Variants in RELA observed in about 807,000 individuals in gnomAD.
RELA encodes RELA proto-oncogene, NF-kB subunit.
In RELA, 14 loss-of-function variants were observed where a neutral mutation model predicts 56.7. The observed-to-expected ratio is 0.25, with a 90% CI of 0.16 to 0.39. The LOEUF (loss-of-function observed/expected upper bound fraction) is 0.39. RELA is among the 10% of genes least tolerant of loss of function. RELA has a pLI of 1.00. For missense variants in RELA, 559 were observed against 736.4 expected, an observed-to-expected ratio of 0.76 and a Z score of 2.79; for synonymous variants, 315 against 289.7, an observed-to-expected ratio of 1.09 and a Z score of -0.89.
intron 5 of RELA, 59 bp from the exon 6 acceptor site, chr11:65,659,856 T>C (rs1467008302): frequency 3.4e-5 from 53 of 1,557,414 alleles, no homozygotes; most frequent in Non-Finnish European, 4.3e-5. Context: ...GTGCTATCAG[T>C]GGGGGCAGGG....
Position 65,658,280 on chromosome 11 carries a change from T to A in RELA, c.877+7A>T. Reference sequence around the variant, plus strand: ...GCTGCCCTGATGCTGCCACCCCAGCTGTGTACCTGTATCTGGCAGGTACTG... The same window carrying A: ...GCTGCCCTGATGCTGCCACCCCAGCAGTGTACCTGTATCTGGCAGGTACTG... On this transcript the variant is annotated splice_region_variant and intron_variant, in intron 8 of 10. Transcript: ENST00000406246. The surrounding 1 kb of genome is among the most constrained non-coding windows in gnomAD (Gnocchi z 4.5). 6.3e-7 allele frequency: 1 copy of A among 1,577,238 alleles called. No homozygotes were observed. The highest frequency in any genetic ancestry group is 8.6e-7 in the Non-Finnish European group (1 of 1,160,526).
rs1217699311 is a variant in RELA at position 65,654,338 on chromosome 11, C to G, written c.*40G>C. On this transcript the variant is annotated 3_prime_UTR_variant, in exon 11 of 11. Coordinates refer to ENST00000406246, the MANE Select transcript of RELA (RefSeq NM_021975.4). ...AAGTGCTTTTGGAGGGCTTCAATCC[C>G]CTGCAACCCAGTGCTCTGGGGAGGG... 8 of 1,613,536 alleles carry G rather than the reference C, an allele frequency of 5.0e-6. No homozygotes were observed. In the South Asian group the frequency reaches 8.8e-5, roughly 18 times the overall value.
chr11:65,655,834 C>T lies in RELA; in HGVS notation c.958+21G>A, dbSNP rs12721573. Reference sequence around the variant, plus strand: ...CCCTGCCCGCTGCCTTCCTCTCTGGCTTTCCCAGTCCCCATCTCACCGCTG... The same window carrying T: ...CCCTGCCCGCTGCCTTCCTCTCTGGTTTTCCCAGTCCCCATCTCACCGCTG... On this transcript the variant is annotated intron_variant, in intron 9 of 10. Transcript: ENST00000406246. The T allele has an allele frequency of 2.0e-3, 3,192 of 1,613,930 alleles. 45 individuals are homozygous for T. In the African/African-American group the frequency reaches 0.035, roughly 17 times the overall value.
At chr11:65,659,349 C>T (rs577433059) in intron 6 of RELA, among the ~76,000 whole-genome samples, 2 of 152,302 alleles carry the variant, frequency 1.3e-5, no homozygotes, top group South Asian at 2.1e-4. Flanking sequence ...CTATCTTGTT[C>T]CTGGGAGTTC....
At position 65,662,877 on chromosome 11, in the gene RELA, G is replaced by T; in HGVS notation, c.-45C>A. On this transcript the variant is annotated 5_prime_UTR_variant, in exon 1 of 11. Transcript: ENST00000406246. ...GGGCCGGGGTCGCAGCTGGGCCCGC[G>T]GCGTGCACTACAGACGAGCCATTCG... 1.7e-6 allele frequency: 2 copies of T among 1,185,028 alleles called. No individual in the cohort carries two copies. Among genetic ancestry groups the T allele is most frequent in the South Asian group, 4.2e-5 (1 of 23,922 alleles). The allele number at this position is 1,185,028 out of a possible 1,614,324, so 73.4% of individuals were successfully genotyped here.
At chr11:65,657,308 ATGT>A (rs1856456187) in intron 8 of RELA, among the ~76,000 whole-genome samples, 2 of 152,134 alleles carry the variant, frequency 1.3e-5, no homozygotes, top group African/African-American at 4.8e-5. Context: ...AGTGGTGGAG[ATGT>A]GATCTTGCTC....
chr11:65,656,041 C>A, intron 8 of RELA, 106 bp from the exon 9 acceptor site: 1 of 892,656 alleles, frequency 1.1e-6, no homozygotes, highest in Non-Finnish European at 1.8e-6. Flanking sequence ...TTCCCAAGAC[C>A]CATTCTCCCA....
chr11:65,657,633 G>A (rs1190512721), intron 8 of RELA, among the ~76,000 whole-genome samples: 3 of 152,202 alleles, frequency 2.0e-5, no homozygotes, highest in African/African-American at 7.2e-5. Context: ...ACACACTTCT[G>A]TGTCTTTCTC....
At position 65,654,843 on chromosome 11, in the gene RELA, T is replaced by TGGAGCA. The variant is rs1856378399; in HGVS notation, c.1185_1190dup (p.Pro397_Ala398dup). The TGGAGCA allele has an allele frequency of 3.2e-6, 5 of 1,554,650 alleles. No individual in the cohort carries two copies. The East Asian group carries it at 9.4e-5, about 29-fold the overall frequency. On this transcript the variant is annotated inframe_insertion, in exon 11 of 11. Coordinates refer to ENST00000406246, the MANE Select transcript of RELA (RefSeq NM_021975.4). ...CCTGGGCCAGAGCTGATACCATGGC[T>TGGAGCA]GGAGCAGGGGCAGGGGCTGGAGCCT...
At position 65,654,415 on chromosome 11, in the gene RELA, A is replaced by G. The variant is rs754554427; in HGVS notation, c.1619T>C (p.Met540Thr). ...GDEDFSSIAD[M>T]DFSALLSQIS... Reference sequence around the variant, plus strand: ...CTGACTCAGCAGGGCTGAGAAGTCCATGTCCGCAATGGAGGAGAAGTCTTC... The same window carrying G: ...CTGACTCAGCAGGGCTGAGAAGTCCGTGTCCGCAATGGAGGAGAAGTCTTC... Residue 540 changes from methionine to threonine, a missense_variant, in exon 11 of 11, where the codon ATG becomes ACG. Coordinates refer to ENST00000406246, the MANE Select transcript of RELA (RefSeq NM_021975.4). 1 of 1,612,138 alleles carries G rather than the reference A, an allele frequency of 6.2e-7. No homozygotes were observed. The highest frequency in any genetic ancestry group is 8.5e-7 in the Non-Finnish European group (1 of 1,179,242).
upstream of RELA, chr11:65,662,946 C>T: frequency 2.2e-6 from 2 of 918,514 alleles, no homozygotes; most frequent in Non-Finnish European, 2.8e-6. Context: ...CGCGTCACTG[C>T]CCGGAATCCG....
upstream of RELA, among the ~76,000 whole-genome samples, chr11:65,663,680 G>A (rs1365670948): frequency 6.6e-6 from 1 of 152,212 alleles, no homozygotes; most frequent in Non-Finnish European, 1.5e-5. Context: ...TTGTGTCTCA[G>A]AAGGTGCGGG....
intron 10 of RELA, chr11:65,655,280 G>A: frequency 1.8e-6 from 1 of 568,024 alleles, no homozygotes; most frequent in Non-Finnish European, 3.1e-6. Flanking sequence ...GGACTCCTCA[G>A]TTTACAGCTG....
At position 65,654,210 on chromosome 11, in the gene RELA, G is replaced by T; in HGVS notation, c.*168C>A. 1.2e-6 allele frequency: 1 copy of T among 850,964 alleles called. No individual in the cohort carries two copies. 52.7% of individuals were successfully genotyped at this position (850,964 alleles called of 1,614,324 possible). A position where few individuals can be genotyped will look rare whatever the true frequency, so the allele number is the denominator to read the frequency against. On this transcript the variant is annotated 3_prime_UTR_variant, in exon 11 of 11. Coordinates refer to ENST00000406246, the MANE Select transcript of RELA (RefSeq NM_021975.4). ...GCTTAAGCACCTCCAAAAAGAGAGAGAGATACAGATACTGACAATAAAAGA... is the reference window on the plus strand; with the variant it reads ...GCTTAAGCACCTCCAAAAAGAGAGATAGATACAGATACTGACAATAAAAGA...
intron 4 of RELA, 27 bp from the exon 5 acceptor site, chr11:65,660,242 C>T (rs1273346978): frequency 3.1e-6 from 5 of 1,609,502 alleles, no homozygotes; most frequent in Admixed American, 1.7e-5. Context: ...GTCTGTCCCA[C>T]TGTCTCTCAC....
chr11:65,661,994 C>T lies in RELA; in HGVS notation c.129G>A (p.Ala43=), dbSNP rs774664384. ...RFRYKCEGRS[A]GSIPGERSTD... ...TGCTCCTCTCGCCTGGGATGCTGCCCGCGGAGCGCCCCTCGCACTTGTAGC... is the reference window on the plus strand; with the variant it reads ...TGCTCCTCTCGCCTGGGATGCTGCCTGCGGAGCGCCCCTCGCACTTGTAGC... Residue 43 remains alanine, a synonymous_variant, in exon 3 of 11, where the codon GCG becomes GCA. Transcript: ENST00000406246. The T allele has an allele frequency of 4.3e-6, 7 of 1,613,620 alleles. No homozygotes were observed. Among genetic ancestry groups the T allele is most frequent in the African/African-American group, 1.3e-5 (1 of 74,914 alleles).
chr11:65,661,037 T>TAAAAA (rs34431664), intron 4 of RELA, among the ~76,000 whole-genome samples: 1 of 109,254 alleles, frequency 9.2e-6, no homozygotes, highest in Admixed American at 9.9e-5. Context: ...GACTCTTTCT[T>TAAAAA]AAAAAAAAAA....
chr11:65,655,780 G>C lies in RELA; in HGVS notation c.959-18C>G. ...GGTGGGTCCTGTAGGGCAAGGGCTAGGTCAGTTCTCAGCCCCAGGGTGTCC... is the reference window on the plus strand; with the variant it reads ...GGTGGGTCCTGTAGGGCAAGGGCTACGTCAGTTCTCAGCCCCAGGGTGTCC... On this transcript the variant is annotated intron_variant, in intron 9 of 10. Transcript: ENST00000406246. The C allele has an allele frequency of 1.2e-6, 2 of 1,613,820 alleles. No individual in the cohort carries two copies. The highest frequency in any genetic ancestry group is 8.5e-7 in the Non-Finnish European group (1 of 1,179,770).
chr11:65,655,821 C>T (rs1468125417), intron 9 of RELA, 34 bp downstream of exon 9: 8 of 1,613,326 alleles, frequency 5.0e-6, no homozygotes, highest in East Asian at 2.2e-5. Context: ...CTGCCCGCTG[C>T]CTTCCTCTCT....
Sources: gnomAD v4.1 joint callset for allele counts (sites outside exome capture counted in the v4.1 genomes callset) on GRCh38, gnomAD v4.1.1 for gene constraint, Gnocchi (gnomAD v3.1) non-coding constraint, MANE v1.5 for transcripts, NCBI Gene and HGNC (gene_info 2026-07-23, HGNC 2026-07-21) for gene names.